The following IL1RAPL1 variants were observed in gnomAD, a reference collection of about 807,000 sequenced individuals.
IL1RAPL1 encodes interleukin-1 receptor accessory protein-like 1.
IL1RAPL1 carries 3 observed loss-of-function variants against 48.4 expected under a neutral mutation model. The observed-to-expected ratio is 0.06, with a 90% CI of 0.03 to 0.16. The LOEUF is 0.16. Ranked by LOEUF, IL1RAPL1 falls within the 10% of genes least tolerant of loss-of-function variation. IL1RAPL1 has a pLI of 1.00. For synonymous variants in IL1RAPL1, 185 were observed against 187.7 expected (o/e 0.99, Z 0.12); for missense variants, 349 against 530.6 (o/e 0.66, Z 3.36).
At chrX:29,598,848 C>T (rs144818647) in intron 5 of IL1RAPL1, among the ~76,000 whole-genome samples, 51 of 111,767 alleles carry the variant, frequency 4.6e-4, no homozygotes, top group African/African-American at 1.2e-3. Context: ...AATAGCTACC[C>T]GTACTCCTCA....
At chrX:29,536,529 TA>T (rs760055658) in intron 5 of IL1RAPL1, among the ~76,000 whole-genome samples, 218 of 111,026 alleles carry the variant, frequency 2.0e-3, no homozygotes, top group Middle Eastern at 0.014. Flanking sequence ...GTGAGAATAT[TA>T]AAAAAAATTG....
intron 2 of IL1RAPL1, among the ~76,000 whole-genome samples, chrX:29,118,981 G>A (rs1028559549): frequency 9.0e-6 from 1 of 110,914 alleles, no homozygotes; most frequent in African/African-American, 3.3e-5. Context: ...CAAGAATCAT[G>A]GAGCATTGTA....
intron 6 of IL1RAPL1, among the ~76,000 whole-genome samples, chrX:29,800,668 A>G (rs1013302509): frequency 9.2e-6 from 1 of 108,883 alleles, no homozygotes; most frequent in African/African-American, 3.3e-5. Context: ...ATTTAATTCA[A>G]TAAAGATTAC....
At chrX:29,888,821 C>G in intron 6 of IL1RAPL1, among the ~76,000 whole-genome samples, 1 of 111,691 alleles carries the variant, frequency 9.0e-6, no homozygotes, top group Non-Finnish European at 1.9e-5. Flanking sequence ...CAGAGGTAAT[C>G]TGAATCGAGT....
intron 6 of IL1RAPL1, among the ~76,000 whole-genome samples, chrX:29,747,590 T>G (rs188776198): frequency 8.9e-6 from 1 of 112,223 alleles, no homozygotes; most frequent in African/African-American, 3.2e-5. Flanking sequence ...AAATTCCATG[T>G]AAAAAGATTT....
intron 1 of IL1RAPL1, among the ~76,000 whole-genome samples, chrX:28,666,154 C>T (rs976166176): frequency 9.0e-6 from 1 of 111,526 alleles, no homozygotes; most frequent in Non-Finnish European, 1.9e-5. Context: ...CCTCAGAAGT[C>T]GGAAGGCGAT....
At chrX:29,169,835 ATTTAATATCTATATGTGG>A (rs1354481707) in intron 2 of IL1RAPL1, among the ~76,000 whole-genome samples, 1 of 111,095 alleles carries the variant, frequency 9.0e-6, no homozygotes, top group African/African-American at 3.2e-5. Flanking sequence ...AAATAATTAG[ATTTAATATCTATATGTGG>A]TTCATGGAAA....
At chrX:28,881,204 C>T (rs1175530549) in intron 2 of IL1RAPL1, among the ~76,000 whole-genome samples, 1 of 111,561 alleles carries the variant, frequency 9.0e-6, no homozygotes, top group Non-Finnish European at 1.9e-5. Flanking sequence ...TTATTTTCCA[C>T]TCTACTAATT....
At chrX:28,984,981 T>C (rs1217076719) in intron 2 of IL1RAPL1, among the ~76,000 whole-genome samples, 2 of 111,860 alleles carry the variant, frequency 1.8e-5, no homozygotes, top group Non-Finnish European at 3.8e-5. Flanking sequence ...CTCTTCCACC[T>C]CTTTGATCTG....
chrX:29,667,263 C>T (rs1458374385), intron 5 of IL1RAPL1, among the ~76,000 whole-genome samples: 1 of 112,034 alleles, frequency 8.9e-6, no homozygotes, highest in African/African-American at 3.2e-5. Flanking sequence ...TATTCTCTGA[C>T]TTGGGGCATG....
At chrX:29,258,766 G>A (rs748110345) in intron 2 of IL1RAPL1, among the ~76,000 whole-genome samples, 143 of 110,893 alleles carry the variant, frequency 1.3e-3, no homozygotes, top group African/African-American at 4.4e-3. Context: ...TGCCCTTTGG[G>A]TTTTGCTTTC....
chrX:28,768,824 G>GTATATA (rs200366562), intron 1 of IL1RAPL1, among the ~76,000 whole-genome samples: 16 of 71,205 alleles, frequency 2.2e-4, no homozygotes, highest in Non-Finnish European at 3.4e-4. Flanking sequence ...ATGTGTGTGT[G>GTATATA]TATATATATA....
intron 2 of IL1RAPL1, among the ~76,000 whole-genome samples, chrX:29,204,570 GATTAT>G (rs1930625250): frequency 9.0e-6 from 1 of 111,098 alleles, no homozygotes; most frequent in Non-Finnish European, 1.9e-5. Context: ...TTTTTAATAG[GATTAT>G]GTGTTCCTAT....
intron 2 of IL1RAPL1, among the ~76,000 whole-genome samples, chrX:28,824,175 A>G (rs1296777616): frequency 9.0e-6 from 1 of 111,350 alleles, no homozygotes; most frequent in Non-Finnish European, 1.9e-5. Flanking sequence ...TCCTATTACC[A>G]CTTGAATTGA....
chrX:28,814,215 TAGGAGGAA>T (rs947292453), intron 2 of IL1RAPL1, among the ~76,000 whole-genome samples: 1 of 110,571 alleles, frequency 9.0e-6, no homozygotes, highest in African/African-American at 3.3e-5. Flanking sequence ...TGGAAGGTTG[TAGGAGGAA>T]AGGAGCAGAT....
chrX:29,350,273 A>G (rs1391444086), intron 3 of IL1RAPL1, among the ~76,000 whole-genome samples: 1 of 83,425 alleles, frequency 1.2e-5, no homozygotes, highest in Non-Finnish European at 2.2e-5. Flanking sequence ...CACCTGGCTC[A>G]TAGACACACT....
chrX:29,389,772 T>C (rs1007727288), intron 3 of IL1RAPL1, among the ~76,000 whole-genome samples: 15 of 112,487 alleles, frequency 1.3e-4, no homozygotes, highest in Non-Finnish European at 2.4e-4. Flanking sequence ...CAACAAAATG[T>C]TTAAAAAAGA....
chrX:29,924,065 A>G (rs1351150178), intron 8 of IL1RAPL1, among the ~76,000 whole-genome samples: 2 of 111,907 alleles, frequency 1.8e-5, no homozygotes. Context: ...TTGAGCCTCA[A>G]ATTTCTCTTC....
intron 2 of IL1RAPL1, among the ~76,000 whole-genome samples, chrX:28,860,640 G>A (rs1349543248): frequency 1.8e-5 from 2 of 109,264 alleles, no homozygotes; most frequent in Non-Finnish European, 3.8e-5. Context: ...TGTATTTGTA[G>A]TAGAGACGGG....
Sources: gnomAD v4.1 joint callset for allele counts (sites outside exome capture counted in the v4.1 genomes callset) on GRCh38, gnomAD v4.1.1 for gene constraint, MANE v1.5 for transcripts, NCBI Gene and HGNC (gene_info 2026-07-23, HGNC 2026-07-21) for gene names.